GRAMD4: variants seen among roughly 807,000 people sequenced by gnomAD.
The protein encoded by GRAMD4 is GRAM domain containing 4.
In GRAMD4, 25 loss-of-function variants were observed where a neutral mutation model predicts 83.9. The ratio of observed to expected loss-of-function variants is 0.30; its 90% CI spans 0.22 to 0.42. The LOEUF (loss-of-function observed/expected upper bound fraction) is 0.42. GRAMD4 is among the 10% of genes least tolerant of loss of function. The pLI is 1.00. For missense variants in GRAMD4, 593 were observed against 788.7 expected (o/e 0.75, Z 2.97); for synonymous variants, 336 against 320.9 (o/e 1.05, Z -0.50).
rs979153486 is a variant in GRAMD4, at chr22:46,672,530, C to T, written c.1085-313C>T. Among the ~76,000 whole-genome samples the T allele has an allele frequency of 7.5e-6, 1 of 133,104 alleles. No individual in the cohort carries two copies. The highest frequency in any genetic ancestry group is 2.4e-4 in the South Asian group (1 of 4,172). The allele number at this position is 133,104 out of a possible 152,430, so 87.3% of individuals were successfully genotyped here. On this transcript the variant is annotated intron_variant, in intron 13 of 18. Coordinates refer to ENST00000406902, the MANE Select transcript of GRAMD4 (RefSeq NM_015124.5). This position sits in a 1 kb window ranked among gnomAD's most constrained non-coding sequence, Gnocchi z 4.7. ...GGGTCAAGAACAGCCCTGAGCCAGG[C>T]GGAGTTGGAGAGAGAAGTGAGGGGC... is the stretch of plus-strand genomic sequence containing the variant.
At chr22:46,642,820 G>A (rs1288779217) in intron 3 of GRAMD4, among the ~76,000 whole-genome samples, 2 of 152,156 alleles carry the variant, frequency 1.3e-5, no homozygotes, top group Non-Finnish European at 2.9e-5. Context: ...GAATTCTTGT[G>A]TATTTTTCAT....
rs769713316 is a variant in GRAMD4, at chr22:46,673,807, G to A, written c.1377G>A (p.Pro459=). 8.1e-6 allele frequency: 13 copies of A among 1,612,760 alleles called. No homozygotes were observed. The highest frequency in any genetic ancestry group is 6.7e-5 in the Admixed American group (4 of 60,010). ...EIFNLTENER[P]LAVCENGWRC... ...TCAATCTGACAGAAAACGAGCGTCC[G>A]CTGGCGGGTATGTGTGCCGTGAGTC... Residue 459 remains proline, a synonymous_variant, in exon 15 of 19, where the codon CCG becomes CCA. Transcript: ENST00000406902.
rs888883191 is a variant in GRAMD4 at position 46,679,569 on chromosome 22, T to C, written c.*2318T>C. On this transcript the variant is annotated 3_prime_UTR_variant, in exon 19 of 19. Transcript: ENST00000406902. ...GTGACTAATCACTGAACTAGACGAA[T>C]GTTAAATTTTTTATGTCTGAAGCCT... 1 of 985,072 alleles carries C rather than the reference T, an allele frequency of 1.0e-6. No homozygotes were observed. The highest frequency in any genetic ancestry group is 1.2e-6 in the Non-Finnish European group (1 of 829,368). The allele number at this position is 985,072 out of a possible 1,614,324, so 61.0% of individuals were successfully genotyped here.
At chr22:46,597,570 A>G (rs1871919844) in intron 1 of GRAMD4, among the ~76,000 whole-genome samples, 1 of 151,996 alleles carries the variant, frequency 6.6e-6, no homozygotes, top group Admixed American at 6.6e-5. Flanking sequence ...GCTCACTGCA[A>G]GCTCCGCCTC....
At chr22:46,623,089 C>G (rs550207567) in intron 1 of GRAMD4, among the ~76,000 whole-genome samples, 3 of 152,076 alleles carry the variant, frequency 2.0e-5, no homozygotes, top group Admixed American at 6.5e-5. Context: ...CCATAGCGCC[C>G]GAGTCTCTTC....
intron 1 of GRAMD4, among the ~76,000 whole-genome samples, chr22:46,601,214 C>T (rs915647851): frequency 9.2e-5 from 14 of 152,022 alleles, no homozygotes; most frequent in Admixed American, 3.3e-4. Flanking sequence ...TAGCTCTCCT[C>T]GGGGTGTGAT....
intron 13 of GRAMD4, chr22:46,671,021 C>A: frequency 2.3e-6 from 1 of 432,412 alleles, no homozygotes; most frequent in South Asian, 1.6e-5. Flanking sequence ...GCATTCCTGG[C>A]TTATCGGTGC....
chr22:46,663,091 G>T lies in GRAMD4; in HGVS notation c.518G>T (p.Arg173Leu). The part of the protein sequence containing the change: ...SSRLQKWFYE[R>L]FGEYVEDFRF... ...CGCCTGCAGAAGTGGTTCTACGAGC[G>T]GTTTGGGGAGTACGTGGAGGACTTC... The change falls in exon 6 of 19, where the codon CGG becomes CTG. Residue 173 changes from arginine to leucine, a missense_variant. Around this residue, in one of 4 missense-constraint regions of GRAMD4, gnomAD observed 312 missense variants for 350.7 expected, o/e 0.89. Transcript: ENST00000406902. 1.2e-6 allele frequency: 2 copies of T among 1,612,150 alleles called. No individual in the cohort carries two copies. Among genetic ancestry groups the T allele is most frequent in the Admixed American group, 1.7e-5 (1 of 60,008 alleles).
intron 2 of GRAMD4, among the ~76,000 whole-genome samples, chr22:46,633,361 T>C (rs896075611): frequency 6.6e-6 from 1 of 152,216 alleles, no homozygotes; most frequent in Non-Finnish European, 1.5e-5. Context: ...TGGCTCCCTC[T>C]CCTGCCCTCC....
chr22:46,670,847 G>A (rs908982456), intron 13 of GRAMD4, among the ~76,000 whole-genome samples: 3 of 151,868 alleles, frequency 2.0e-5, no homozygotes, highest in Admixed American at 6.6e-5. Context: ...ATCATGATCC[G>A]CCCGCTCGGC....
At chr22:46,593,188 A>T (rs943757687) in intron 1 of GRAMD4, among the ~76,000 whole-genome samples, 1 of 152,066 alleles carries the variant, frequency 6.6e-6, no homozygotes, top group Non-Finnish European at 1.5e-5. Context: ...CAGAAAGGTA[A>T]ATTGTACTGA....
At chr22:46,577,462 G>C (rs1239249432) in intron 1 of GRAMD4, among the ~76,000 whole-genome samples, 1 of 148,934 alleles carries the variant, frequency 6.7e-6, no homozygotes, top group Non-Finnish European at 1.5e-5. Flanking sequence ...GCGCGGGCGC[G>C]CCCCGCACAC....
At chr22:46,677,064 C>G (rs2082610036) in intron 18 of GRAMD4, 83 bp from the exon 19 acceptor site, 1 of 1,525,710 alleles carries the variant, frequency 6.6e-7, no homozygotes, top group African/African-American at 1.4e-5. Flanking sequence ...TGGCCTGGGG[C>G]TGGTGTTGGA....
chr22:46,622,817 C>G lies in GRAMD4; in HGVS notation c.-50+2252C>G, dbSNP rs1314219656. 6.6e-6 allele frequency among the ~76,000 whole-genome samples: 1 copy of G among 150,570 alleles called. No homozygotes were observed. The highest frequency in any genetic ancestry group is 1.5e-5 in the Non-Finnish European group (1 of 67,864). On this transcript the variant is annotated intron_variant, in intron 1 of 18. Transcript: ENST00000406902. The surrounding 1 kb of genome is among the most constrained non-coding windows in gnomAD (Gnocchi z 4.0). ...GTCCCAGCTACTCGGGAGGCTGAGG[C>G]AGGAGAATGGCGTGAACCCAGGAGG...
chr22:46,623,357 A>G (rs1178380149), intron 1 of GRAMD4, among the ~76,000 whole-genome samples: 4 of 152,158 alleles, frequency 2.6e-5, no homozygotes, highest in Non-Finnish European at 4.4e-5. Flanking sequence ...CGCATTCCGC[A>G]GCCCGGGTTA....
intron 2 of GRAMD4, among the ~76,000 whole-genome samples, chr22:46,627,861 G>A (rs567357156): frequency 1.3e-5 from 2 of 152,364 alleles, no homozygotes; most frequent in Admixed American, 6.5e-5. Context: ...AGGTGGGGCC[G>A]CTTGGCTTCC....
Position 46,621,388 on chromosome 22 carries a change from T to C in GRAMD4, c.-50+823T>C, listed in dbSNP as rs576515388. On this transcript the variant is annotated intron_variant, in intron 1 of 18. Coordinates refer to ENST00000406902, the MANE Select transcript of GRAMD4 (RefSeq NM_015124.5). The surrounding 1 kb of genome is among the most constrained non-coding windows in gnomAD (Gnocchi z 5.8). ...AGATGTCACTGAGATGAAGTCACCC[T>C]GGTGTACAGTGGAGCACTCTTCAGT... Among the ~76,000 whole-genome samples, 2 of 152,356 alleles carry C rather than the reference T, an allele frequency of 1.3e-5. No individual in the cohort carries two copies. The highest frequency in any genetic ancestry group is 4.1e-4 in the South Asian group (2 of 4,834).
chr22:46,680,193 C>T (rs1175476275), downstream of GRAMD4, among the ~76,000 whole-genome samples: 2 of 152,156 alleles, frequency 1.3e-5, no homozygotes, highest in Non-Finnish European at 2.9e-5. Context: ...GTCCTGGCTG[C>T]CTGGGGGTTC....
At chr22:46,590,517 GC>G (rs1402370561) in intron 1 of GRAMD4, among the ~76,000 whole-genome samples, 1 of 152,232 alleles carries the variant, frequency 6.6e-6, no homozygotes, top group Non-Finnish European at 1.5e-5. Context: ...CTGGGCTGCT[GC>G]CGTTAACACC....
Sources: allele counts gnomAD v4.1 joint callset (sites outside exome capture counted in the v4.1 genomes callset), GRCh38; gene constraint gnomAD v4.1.1; regional missense constraint gnomAD v4.1.1; non-coding constraint Gnocchi (gnomAD v3.1); transcripts MANE v1.5; gene names NCBI Gene and HGNC (gene_info 2026-07-23, HGNC 2026-07-21).